FUT8: variants seen among roughly 807,000 people sequenced by gnomAD.
FUT8 encodes fucosyltransferase 8.
A neutral mutation model predicts 71.3 loss-of-function variants in FUT8; 29 were observed. That is an observed-to-expected ratio of 0.41 (90% CI 0.30 to 0.55). FUT8 has a LOEUF of 0.55. FUT8 is among the 20% of genes least tolerant of loss of function. FUT8 has a pLI of 0.34. For synonymous variants in FUT8, 254 were observed against 239.3 expected, an observed-to-expected ratio of 1.06 and a Z score of -0.57; for missense variants, 544 against 702.1, an observed-to-expected ratio of 0.77 and a Z score of 2.55.
At chr14:65,575,821 T>C (rs1022761077) in intron 3 of FUT8, among the ~76,000 whole-genome samples, 1 of 152,148 alleles carries the variant, frequency 6.6e-6, no homozygotes, top group Non-Finnish European at 1.5e-5. Context: ...GTTTTTGCCA[T>C]GTTGGCCAGG....
intron 6 of FUT8, among the ~76,000 whole-genome samples, chr14:65,635,716 T>C (rs972770789): frequency 3.9e-5 from 6 of 152,200 alleles, no homozygotes; most frequent in African/African-American, 1.4e-4. Context: ...CTTTTTGATA[T>C]GTTGTTGGAT....
chr14:65,620,255 A>G (rs779454120), intron 5 of FUT8, among the ~76,000 whole-genome samples: 1 of 152,146 alleles, frequency 6.6e-6, no homozygotes, highest in African/African-American at 2.4e-5. Context: ...CCATTTTTCA[A>G]CTGTGTTGAC....
chr14:65,533,205 GATAGGA>G, intron 2 of FUT8, among the ~76,000 whole-genome samples: 1 of 152,278 alleles, frequency 6.6e-6, no homozygotes, highest in East Asian at 1.9e-4. Flanking sequence ...TTCGTAGTTT[GATAGGA>G]ATAGCATTGA....
intron 6 of FUT8, among the ~76,000 whole-genome samples, chr14:65,666,689 C>G (rs947008313): frequency 1.8e-4 from 27 of 152,090 alleles, no homozygotes; most frequent in Non-Finnish European, 3.1e-4. Flanking sequence ...CAGCATCATT[C>G]TGATACCAAA....
intron 6 of FUT8, among the ~76,000 whole-genome samples, chr14:65,647,975 A>G (rs971019067): frequency 6.6e-6 from 1 of 151,936 alleles, no homozygotes; most frequent in Non-Finnish European, 1.5e-5. Context: ...ATTTCTGCCC[A>G]CTTTGTTGGA....
At chr14:65,527,997 G>A (rs1375556194) in intron 2 of FUT8, among the ~76,000 whole-genome samples, 1 of 152,218 alleles carries the variant, frequency 6.6e-6, no homozygotes, top group East Asian at 1.9e-4. Context: ...TCGGGGGTCA[G>A]TGACCTACTT....
intron 2 of FUT8, among the ~76,000 whole-genome samples, chr14:65,487,943 T>C (rs1255588899): frequency 6.6e-6 from 1 of 152,174 alleles, no homozygotes; most frequent in East Asian, 1.9e-4. Context: ...TCTTCCTGTC[T>C]AAGCCTCCTG....
intron 3 of FUT8, among the ~76,000 whole-genome samples, chr14:65,595,076 TCTCTGCCTC>T (rs1468814873): frequency 6.6e-6 from 1 of 152,150 alleles, no homozygotes; most frequent in Non-Finnish European, 1.5e-5. Flanking sequence ...GCCTAGAGTG[TCTCTGCCTC>T]CTCTGCCTCC....
intron 2 of FUT8, among the ~76,000 whole-genome samples, chr14:65,471,822 A>G (rs978110779): frequency 6.6e-6 from 1 of 151,980 alleles, no homozygotes; most frequent in East Asian, 1.9e-4. Context: ...ACTGTACTTA[A>G]GGTTATTTTT....
chr14:65,478,136 C>T (rs1027376690), intron 2 of FUT8, among the ~76,000 whole-genome samples: 1 of 151,984 alleles, frequency 6.6e-6, no homozygotes, highest in Non-Finnish European at 1.5e-5. Context: ...AGAGCGTTCC[C>T]CCCTCTACCC....
chr14:65,679,532 G>T (rs1892935788), intron 7 of FUT8, among the ~76,000 whole-genome samples: 1 of 152,134 alleles, frequency 6.6e-6, no homozygotes, highest in Non-Finnish European at 1.5e-5. Context: ...AATGGAAATT[G>T]AGTTCATTCA....
chr14:65,677,274 CCTT>C (rs1892809365), intron 7 of FUT8, among the ~76,000 whole-genome samples: 1 of 151,950 alleles, frequency 6.6e-6, no homozygotes, highest in South Asian at 2.1e-4. Flanking sequence ...GAATCATAAA[CCTT>C]CTTAGATGAT....
chr14:65,564,688 G>A (rs1180437996), intron 3 of FUT8, among the ~76,000 whole-genome samples: 1 of 151,820 alleles, frequency 6.6e-6, no homozygotes, highest in Non-Finnish European at 1.5e-5. Flanking sequence ...ATTCTGTCCT[G>A]ACCTCCTGTC....
At chr14:65,674,142 T>G (rs927477861) in intron 7 of FUT8, among the ~76,000 whole-genome samples, 6 of 152,202 alleles carry the variant, frequency 3.9e-5, no homozygotes, top group Non-Finnish European at 8.8e-5. Flanking sequence ...GCTATAGATA[T>G]GCATATGTTA....
chr14:65,435,556 A>G (rs1013062133), intron 1 of FUT8, among the ~76,000 whole-genome samples: 1 of 152,240 alleles, frequency 6.6e-6, no homozygotes, highest in African/African-American at 2.4e-5. Context: ...TATGAATAAA[A>G]CTGCTATAGA....
intron 1 of FUT8, among the ~76,000 whole-genome samples, chr14:65,434,872 A>G (rs1036225345): frequency 6.6e-6 from 1 of 152,152 alleles, no homozygotes; most frequent in Non-Finnish European, 1.5e-5. Context: ...TTAATACATT[A>G]AAATCCACAC....
intron 2 of FUT8, among the ~76,000 whole-genome samples, chr14:65,555,276 C>T (rs972214281): frequency 2.6e-5 from 4 of 151,746 alleles, no homozygotes; most frequent in Non-Finnish European, 4.4e-5. Context: ...GGATTTTTAC[C>T]GAATGCTGCA....
At chr14:65,370,523 T>A in the FUT8 span, among the ~76,000 whole-genome samples, 1 of 151,084 alleles carries the variant, frequency 6.6e-6, no homozygotes, top group Non-Finnish European at 1.5e-5. Flanking sequence ...TAGTCTTTTT[T>A]AAAACACATT....
chr14:65,692,511 C>G lies in FUT8; in HGVS notation c.835+23031C>G, dbSNP rs1447767429. On this transcript the variant is annotated intron_variant, in intron 7 of 10. Transcript: ENST00000673929. ...CGGCTGGCCGGGCGGGGGGCTGACC[C>G]CCCCCCCACCTCCCTCCCGGACGGG... Among the ~76,000 whole-genome samples, 2 of 105,480 alleles carry G rather than the reference C, an allele frequency of 1.9e-5. 1 individual carries two copies. The highest frequency in any genetic ancestry group is 4.0e-5 in the Non-Finnish European group (2 of 49,446). The allele number at this position is 105,480 out of a possible 152,430, so 69.2% of individuals were successfully genotyped here.
Sources: gnomAD v4.1 joint callset for allele counts (sites outside exome capture counted in the v4.1 genomes callset) on GRCh38, gnomAD v4.1.1 for gene constraint, MANE v1.5 for transcripts, NCBI Gene and HGNC (gene_info 2026-07-23, HGNC 2026-07-21) for gene names.